LRRC37A3: variants seen among roughly 807,000 people sequenced by gnomAD.
The protein encoded by LRRC37A3 is leucine rich repeat containing 37 member A3.
A neutral mutation model predicts 106.2 loss-of-function variants in LRRC37A3; 25 were observed. That is an observed-to-expected ratio of 0.24 (90% CI 0.17 to 0.33). LRRC37A3 has a LOEUF of 0.33. Ranked by LOEUF, LRRC37A3 falls within the 10% of genes least tolerant of loss-of-function variation. The pLI is 1.00. For synonymous variants in LRRC37A3, 305 were observed against 635.8 expected, an observed-to-expected ratio of 0.48 and a Z score of 7.83; for missense variants, 712 against 1,644.9, an observed-to-expected ratio of 0.43 and a Z score of 9.81.
At chr17:64,854,718 T>G in intron 14 of LRRC37A3, 74 bp from the exon 15 acceptor site, 1 of 1,612,102 alleles carries the variant, frequency 6.2e-7, no homozygotes, top group Non-Finnish European at 8.5e-7. Context: ...CCTCCTCATT[T>G]TAGATGGGAA....
At chr17:64,871,346 C>A (rs1316026253) in intron 8 of LRRC37A3, among the ~76,000 whole-genome samples, 2 of 151,928 alleles carry the variant, frequency 1.3e-5, no homozygotes, top group South Asian at 2.1e-4. Context: ...TGCAGTGAGC[C>A]AAGATCAAGC....
chr17:64,911,112 GTT>G (rs1974580355), intron 2 of LRRC37A3, among the ~76,000 whole-genome samples: 1 of 152,118 alleles, frequency 6.6e-6, no homozygotes, highest in Non-Finnish European at 1.5e-5. Flanking sequence ...TCTCACCAGT[GTT>G]TTAACTTTTG....
At chr17:64,863,789 T>G (rs1040698565) in intron 10 of LRRC37A3, among the ~76,000 whole-genome samples, 1 of 152,140 alleles carries the variant, frequency 6.6e-6, no homozygotes, top group African/African-American at 2.4e-5. Flanking sequence ...CACAGATTAT[T>G]TATTAATTAC....
chr17:64,918,498 G>A (rs1974754845), intron 2 of LRRC37A3, among the ~76,000 whole-genome samples: 1 of 152,118 alleles, frequency 6.6e-6, no homozygotes. Context: ...GTTTGCAGAT[G>A]ACAAAACTTT....
rs1191555240 is a variant in LRRC37A3, at chr17:64,860,549, G to A, written c.3597C>T (p.Asn1199=). Residue 1199 remains asparagine (N), a synonymous_variant, in exon 12 of 15, where the codon AAC becomes AAT. Coordinates refer to ENST00000584306, the MANE Select transcript of LRRC37A3 (RefSeq NM_199340.5). ...REQGAQASVE[N]TAEEKRLGSP... is the part of the protein sequence containing the mutation. Reference sequence around the variant, plus strand: ...TTCCGAGCCTTTTTTCTTCGGCAGTGTTCTCCACAGATGCCTGGGCACCCT... The same window carrying A: ...TTCCGAGCCTTTTTTCTTCGGCAGTATTCTCCACAGATGCCTGGGCACCCT... 1 of 1,613,076 alleles carries A rather than the reference G, an allele frequency of 6.2e-7. No individual in the cohort carries two copies. The highest frequency in any genetic ancestry group is 1.3e-5 in the African/African-American group (1 of 74,996).
chr17:64,910,740 G>T (rs1041216128), intron 2 of LRRC37A3, among the ~76,000 whole-genome samples: 121 of 142,988 alleles, frequency 8.5e-4, no homozygotes, highest in African/African-American at 3.2e-3. Context: ...CACCTCCCAG[G>T]TTCAAGCCAC....
At chr17:64,857,499 G>A (rs1350151666) in intron 13 of LRRC37A3, among the ~76,000 whole-genome samples, 2 of 152,142 alleles carry the variant, frequency 1.3e-5, no homozygotes, top group African/African-American at 4.8e-5. Flanking sequence ...TTTTGGTGGT[G>A]GCTGTTTTTA....
In LRRC37A3 at chr17:64,859,651, G is replaced by A. The variant is rs1367859853; in HGVS notation, c.4495C>T (p.Arg1499Trp). The change falls in exon 12 of 15, where the codon CGG (arginine) becomes TGG (tryptophan). Residue 1499 changes from arginine to tryptophan, a missense_variant. Physicochemically the swap from Arg to Trp is moderately radical, Grantham distance 101 (BLOSUM62 -3). Coordinates refer to ENST00000584306, the MANE Select transcript of LRRC37A3 (RefSeq NM_199340.5). Reference protein sequence around the residue: ...NVRRLIAHVIRTLKMDCSGAH... With the variant: ...NVRRLIAHVIWTLKMDCSGAH... ...CCAGAGCAGTCCATCTTCAAGGTCC[G>A]GATAACATGAGCAATGAGCCTTCTC... 1.4e-5 allele frequency: 22 copies of A among 1,613,458 alleles called. No homozygotes were observed. The highest frequency in any genetic ancestry group is 1.9e-5 in the Non-Finnish European group (22 of 1,179,966).
At chr17:64,875,075 C>A (rs1321402699) in intron 8 of LRRC37A3, among the ~76,000 whole-genome samples, 5 of 151,962 alleles carry the variant, frequency 3.3e-5, no homozygotes, top group African/African-American at 1.2e-4. Context: ...CTGCGAGAAA[C>A]ACCCAAGAAT....
chr17:64,868,435 A>C, intron 10 of LRRC37A3, 27 bp downstream of exon 10: 1 of 1,609,840 alleles, frequency 6.2e-7, no homozygotes, highest in Non-Finnish European at 8.5e-7. Context: ...ACTACGTAAA[A>C]ATAAATCTCG....
At chr17:64,916,875 C>G (rs1974714081) in intron 2 of LRRC37A3, among the ~76,000 whole-genome samples, 1 of 149,238 alleles carries the variant, frequency 6.7e-6, no homozygotes, top group Admixed American at 6.7e-5. Flanking sequence ...GGCTCAGAAC[C>G]ATTAGTCATT....
intron 5 of LRRC37A3, among the ~76,000 whole-genome samples, chr17:64,890,302 C>G (rs1418900671): frequency 7.6e-6 from 1 of 131,058 alleles, no homozygotes; most frequent in Non-Finnish European, 1.5e-5. Context: ...ACTCCTGGCT[C>G]AAGTGATCCT....
intron 8 of LRRC37A3, among the ~76,000 whole-genome samples, chr17:64,878,895 C>T (rs1208836227): frequency 1.3e-5 from 2 of 152,178 alleles, no homozygotes; most frequent in Non-Finnish European, 2.9e-5. Flanking sequence ...CAGCATTATT[C>T]ATAAAAGCCA....
chr17:64,880,258 T>C (rs879365506), intron 8 of LRRC37A3, among the ~76,000 whole-genome samples: 5 of 152,054 alleles, frequency 3.3e-5, no homozygotes, highest in Admixed American at 2.6e-4. Context: ...GCAACTCTTT[T>C]CCACAAACCA....
chr17:64,918,496 A>T, intron 2 of LRRC37A3, among the ~76,000 whole-genome samples: 1 of 152,246 alleles, frequency 6.6e-6, no homozygotes, highest in South Asian at 2.1e-4. Context: ...ATGTTTGCAG[A>T]TGACAAAACT....
At position 64,859,878 on chromosome 17, in the gene LRRC37A3, G is replaced by A. The variant is rs1972808856; in HGVS notation, c.4268C>T (p.Pro1423Leu). The change falls in exon 12 of 15, where the codon CCT (proline) becomes CTT (leucine). Residue 1423 changes from proline to leucine, a missense_variant. By Grantham distance (98) the Pro-to-Leu change is moderately conservative. Coordinates refer to ENST00000584306, the MANE Select transcript of LRRC37A3 (RefSeq NM_199340.5). The part of the protein sequence containing the change: ...ISENTNYNHP[P>L]EADSAGTAFN... ...TGCAGTCCCAGCGGAATCTGCCTCA[G>A]GAGGATGATTGTAGTTTGTGTTTTC... 6.2e-7 allele frequency: 1 copy of A among 1,613,130 alleles called. No homozygotes were observed.
chr17:64,863,228 A>C (rs1221807138), intron 10 of LRRC37A3: 6 of 597,546 alleles, frequency 1.0e-5, no homozygotes, highest in Non-Finnish European at 1.8e-5. Flanking sequence ...GTATGCCTAG[A>C]ATAAAGATGG....
intron 2 of LRRC37A3, among the ~76,000 whole-genome samples, chr17:64,917,689 G>A (rs1250457077): frequency 6.6e-6 from 1 of 152,242 alleles, no homozygotes; most frequent in East Asian, 1.9e-4. Flanking sequence ...CAAACAGGCC[G>A]GGCGCGATGG....
At chr17:64,878,466 A>G (rs1598411822) in intron 8 of LRRC37A3, among the ~76,000 whole-genome samples, 1 of 152,270 alleles carries the variant, frequency 6.6e-6, no homozygotes, top group East Asian at 1.9e-4. Flanking sequence ...TCCAGAATAT[A>G]TAGAGAATTC....
Sources: gnomAD v4.1 joint callset for allele counts (sites outside exome capture counted in the v4.1 genomes callset) on GRCh38, gnomAD v4.1.1 for gene constraint, MANE v1.5 for transcripts, NCBI Gene and HGNC (gene_info 2026-07-23, HGNC 2026-07-21) for gene names.